The following SAMMSON variants were observed in gnomAD, a reference collection of about 807,000 sequenced individuals.
The protein encoded by SAMMSON is survival associated mitochondrial melanoma specific oncogenic non-coding RNA.
At chr3:70,281,651 A>T (rs1350009748) in intron 6 of SAMMSON, among the ~76,000 whole-genome samples, 1 of 152,120 alleles carries the variant, frequency 6.6e-6, no homozygotes, top group Non-Finnish European at 1.5e-5. Flanking sequence ...CTCGGTATTT[A>T]TGCACGATGG....
chr3:70,226,280 C>T (rs1429506301), intron 4 of SAMMSON, among the ~76,000 whole-genome samples: 2 of 152,148 alleles, frequency 1.3e-5, no homozygotes, highest in Admixed American at 1.3e-4. Flanking sequence ...GGAATTTGCT[C>T]TTCAATGTGT....
intron 4 of SAMMSON, among the ~76,000 whole-genome samples, chr3:70,150,623 A>G (rs1052867255): frequency 7.9e-5 from 12 of 151,944 alleles, no homozygotes; most frequent in African/African-American, 2.9e-4. Flanking sequence ...CCATTATTCT[A>G]GAAAAAAAAT....
At chr3:70,218,895 T>C (rs967697400) in intron 4 of SAMMSON, among the ~76,000 whole-genome samples, 1 of 152,142 alleles carries the variant, frequency 6.6e-6, no homozygotes, top group Admixed American at 6.6e-5. Context: ...ATTCTGAATA[T>C]ATTTTAGAGT....
chr3:70,403,369 G>T (rs755519259), intron 2 of SAMMSON, among the ~76,000 whole-genome samples: 2 of 152,158 alleles, frequency 1.3e-5, no homozygotes, highest in Admixed American at 6.5e-5. Flanking sequence ...ATGGATTAAC[G>T]TGAAAAGAGT....
intron 7 of SAMMSON, among the ~76,000 whole-genome samples, chr3:70,314,041 G>A (rs943123393): frequency 7.9e-5 from 12 of 152,076 alleles, no homozygotes; most frequent in Non-Finnish European, 1.5e-4. Flanking sequence ...CTACCTTGAA[G>A]GCTTCTTCAT....
At chr3:70,302,064 T>C (rs141819532) in intron 7 of SAMMSON, among the ~76,000 whole-genome samples, 444 of 152,292 alleles carry the variant, frequency 2.9e-3, no homozygotes, top group Non-Finnish European at 4.9e-3. Context: ...TATTTAATAC[T>C]ATACTTCTAT....
intron 6 of SAMMSON, among the ~76,000 whole-genome samples, chr3:70,279,138 A>ATG (rs1702056489): frequency 6.6e-6 from 1 of 150,788 alleles, no homozygotes; most frequent in South Asian, 2.1e-4. Flanking sequence ...CACTCACTAC[A>ATG]TGCAATCATG....
At chr3:70,409,039 C>G (rs1043250705) in intron 2 of SAMMSON, among the ~76,000 whole-genome samples, 2 of 152,128 alleles carry the variant, frequency 1.3e-5, no homozygotes, top group African/African-American at 4.8e-5. Context: ...GACTTATTCA[C>G]TACCATGAGA....
intron 6 of SAMMSON, among the ~76,000 whole-genome samples, chr3:70,273,751 T>C (rs567059411): frequency 2.4e-4 from 37 of 152,316 alleles, no homozygotes; most frequent in Middle Eastern, 3.4e-3. Flanking sequence ...CTTTTTCAGA[T>C]TTGTTTAGCA....
In SAMMSON at chr3:70,230,750, A is replaced by G. The variant is rs887586899; in HGVS notation, n.508-18357A>G. On this transcript the variant is annotated intron_variant and non_coding_transcript_variant, in intron 4 of 9. Transcript: ENST00000642114. The stretch of plus-strand genomic sequence containing the variant: ...GTGGAAGAATTCATCCCATGCCTTC[A>G]CCCTCCTTGAGTTTTAAAGGCAATG... Among the ~76,000 whole-genome samples, 3 of 152,294 alleles carry G rather than the reference A, an allele frequency of 2.0e-5. No homozygotes were observed. In the South Asian group the frequency reaches 6.2e-4, roughly 32 times the overall value.
At chr3:70,040,447 G>C (rs1488903014) in intron 3 of SAMMSON, among the ~76,000 whole-genome samples, 1 of 152,172 alleles carries the variant, frequency 6.6e-6, no homozygotes, top group Non-Finnish European at 1.5e-5. Context: ...TTTGTATCAG[G>C]AAGTAAAGAC....
chr3:70,183,557 G>A (rs760585321), intron 4 of SAMMSON: 3 of 152,174 alleles, frequency 2.0e-5, no homozygotes, highest in Non-Finnish European at 4.4e-5. Context: ...TATGCAACTG[G>A]TCCTCTGACT....
intron 2 of SAMMSON, chr3:70,013,483 T>G (rs1458873308): frequency 6.6e-6 from 1 of 152,148 alleles, no homozygotes; most frequent in East Asian, 1.9e-4. Context: ...TTCTTCTTCA[T>G]CTTCTTTCAT....
intron 4 of SAMMSON, among the ~76,000 whole-genome samples, chr3:70,097,161 C>G (rs1225944470): frequency 6.6e-6 from 1 of 152,156 alleles, no homozygotes; most frequent in Non-Finnish European, 1.5e-5. Flanking sequence ...AAAAGCCATA[C>G]CTCTGGTAGA....
chr3:70,393,644 C>T (rs369700213), downstream of SAMMSON, among the ~76,000 whole-genome samples: 35 of 152,148 alleles, frequency 2.3e-4, no homozygotes, highest in African/African-American at 7.7e-4. Flanking sequence ...CAGTGTTCAT[C>T]TCTGAAGAAA....
At chr3:70,045,012 A>AAAG (rs1559779639) in intron 3 of SAMMSON, among the ~76,000 whole-genome samples, 38 of 130,724 alleles carry the variant, frequency 2.9e-4, no homozygotes, top group African/African-American at 1.1e-3. Flanking sequence ...AATTATATAT[A>AAAG]TATAATTAAT....
chr3:70,102,078 C>T lies in SAMMSON; in HGVS notation n.507+30513C>T, dbSNP rs2067348572. The stretch of plus-strand genomic sequence containing the variant: ...CTTTTCCTTCATAGTTAACATATAG[C>T]TAAAGTCCAGTGAGCATTCAACGGA... On this transcript the variant is annotated intron_variant and non_coding_transcript_variant, in intron 4 of 9. Transcript: ENST00000642114. 2.6e-5 allele frequency among the ~76,000 whole-genome samples: 4 copies of T among 152,140 alleles called. No individual in the cohort carries two copies. In the South Asian group the frequency reaches 8.3e-4, roughly 32 times the overall value.
intron 9 of SAMMSON, among the ~76,000 whole-genome samples, chr3:70,383,635 C>CA (rs1245225137): frequency 6.6e-6 from 1 of 151,910 alleles, no homozygotes; most frequent in Admixed American, 6.6e-5. Flanking sequence ...TTTTCCCTCC[C>CA]AAAAACTGTT....
chr3:70,395,331 C>CTTTTTTTTTTTTTTTTTTTTTT (rs71126501), intron 2 of SAMMSON, among the ~76,000 whole-genome samples: 2 of 113,678 alleles, frequency 1.8e-5, no homozygotes, highest in African/African-American at 3.5e-5. Flanking sequence ...CTCTCTCTCT[C>CTTTTTTTTTTTTTTTTTTTTTT]TTTTTTTTTT....
Sources: gnomAD v4.1 joint callset for allele counts (sites outside exome capture counted in the v4.1 genomes callset) on GRCh38, gnomAD v4.1.1 for gene constraint, MANE v1.5 for transcripts, NCBI Gene and HGNC (gene_info 2026-07-23, HGNC 2026-07-21) for gene names.